Variants in CLCN3 observed in about 807,000 individuals in gnomAD.
The protein encoded by CLCN3 is Cl-/H+ antiporter 3, also known as H(+)/Cl(-) exchange transporter 3.
CLCN3 carries 16 observed loss-of-function variants against 83.4 expected under a neutral mutation model. That is an observed-to-expected ratio of 0.19 (90% confidence interval 0.13 to 0.29). CLCN3 has a LOEUF of 0.29. Among genes scored for constraint, CLCN3 ranks in the 10% least tolerant of loss-of-function variants. The pLI is 1.00. For missense variants in CLCN3, 544 were observed against 1,006.0 expected (o/e 0.54, Z 6.21); for synonymous variants, 322 against 346.2 (o/e 0.93, Z 0.78).
chr4:169,623,967 C>G (rs1240440698), intron 1 of CLCN3, among the ~76,000 whole-genome samples: 1 of 152,008 alleles, frequency 6.6e-6, no homozygotes, highest in Non-Finnish European at 1.5e-5. Context: ...AGATGAATCA[C>G]TGTATTGGAA....
At chr4:169,692,542 C>CT (rs1732411073) in intron 7 of CLCN3, among the ~76,000 whole-genome samples, 1 of 152,186 alleles carries the variant, frequency 6.6e-6, no homozygotes, top group Non-Finnish European at 1.5e-5. Context: ...AGATAGACAG[C>CT]TGGTGTCCAT....
In CLCN3 at chr4:169,720,104, A is replaced by G; in HGVS notation, c.*107A>G. Reference sequence around the variant, plus strand: ...TCTACTTTTTTTTCCTCCTTTACAAAAAAAGAAAGGAAATATAAAAGCCGG... The same window carrying G: ...TCTACTTTTTTTTCCTCCTTTACAAGAAAAGAAAGGAAATATAAAAGCCGG... On this transcript the variant is annotated 3_prime_UTR_variant, in exon 13 of 13. Coordinates refer to ENST00000513761, the MANE Select transcript of CLCN3 (RefSeq NM_001829.4). 1 of 1,519,914 alleles carries G rather than the reference A, an allele frequency of 6.6e-7. No homozygotes were observed. Among genetic ancestry groups the G allele is most frequent in the Non-Finnish European group, 8.9e-7 (1 of 1,128,994 alleles). The allele number at this position is 1,519,914 out of a possible 1,614,324, so 94.2% of individuals were successfully genotyped here. A position where few individuals can be genotyped will look rare whatever the true frequency, so the allele number is the denominator to read the frequency against.
intron 2 of CLCN3, among the ~76,000 whole-genome samples, chr4:169,658,434 A>G (rs17627829): frequency 0.12 from 17,658 of 152,090 alleles, 1,128 homozygotes; most frequent in East Asian, 0.17. Flanking sequence ...GTGCCTACAA[A>G]TACCGGGAAA....
intron 3 of CLCN3, among the ~76,000 whole-genome samples, chr4:169,687,160 A>G (rs976426964): frequency 1.3e-5 from 2 of 152,232 alleles, no homozygotes; most frequent in Non-Finnish European, 2.9e-5. Context: ...TGTCTTACAG[A>G]AGACATATAT....
rs553604506 is a variant in CLCN3 at position 169,699,950 on chromosome 4, A to G, written c.1563+2216A>G. On this transcript the variant is annotated intron_variant, in intron 9 of 12. Transcript: ENST00000513761. ...CCTAAACATTTTACCTTTTTTTCTT[A>G]GGGAATCAAGTTAAAAGAGCTGTTA... Among the ~76,000 whole-genome samples the G allele has an allele frequency of 2.0e-5, 3 of 152,164 alleles. No individual in the cohort carries two copies. The South Asian group carries it at 6.2e-4, about 32-fold the overall frequency.
intron 12 of CLCN3, among the ~76,000 whole-genome samples, chr4:169,719,108 G>C (rs985276656): frequency 6.6e-6 from 1 of 152,188 alleles, no homozygotes; most frequent in Non-Finnish European, 1.5e-5. Flanking sequence ...GTGCTTTCAT[G>C]AAGATTCTGA....
chr4:169,695,715 T>G, intron 8 of CLCN3, 23 bp downstream of exon 8: 1 of 1,471,342 alleles, frequency 6.8e-7, no homozygotes, highest in Non-Finnish European at 9.5e-7. Flanking sequence ...AATACAACAA[T>G]TAAAATTATA....
At chr4:169,678,962 G>A (rs1379844052) in intron 2 of CLCN3, among the ~76,000 whole-genome samples, 1 of 150,824 alleles carries the variant, frequency 6.6e-6, no homozygotes, top group Non-Finnish European at 1.5e-5. Context: ...CAGGCAGAGG[G>A]GCTCCTCACT....
intron 2 of CLCN3, among the ~76,000 whole-genome samples, chr4:169,652,878 T>C (rs1030420352): frequency 3.9e-5 from 6 of 152,238 alleles, no homozygotes; most frequent in Non-Finnish European, 7.3e-5. Context: ...TTTTCATGTC[T>C]ATTTGGAAAT....
intron 2 of CLCN3, among the ~76,000 whole-genome samples, chr4:169,640,915 G>A (rs911488625): frequency 6.6e-6 from 1 of 152,176 alleles, no homozygotes; most frequent in African/African-American, 2.4e-5. Context: ...GATTATGCTA[G>A]TAAGTTTAAA....
chr4:169,714,901 T>C (rs1733368303), intron 12 of CLCN3, among the ~76,000 whole-genome samples: 1 of 152,126 alleles, frequency 6.6e-6, no homozygotes, highest in South Asian at 2.1e-4. Flanking sequence ...TATTGTTTGA[T>C]TAAATGATGG....
At chr4:169,630,625 G>T (rs1773345284) in intron 1 of CLCN3, among the ~76,000 whole-genome samples, 1 of 152,064 alleles carries the variant, frequency 6.6e-6, no homozygotes, top group Admixed American at 6.6e-5. Context: ...CTGCCTTCTA[G>T]GTTCAAGCAA....
At position 169,703,978 on chromosome 4, in the gene CLCN3, G is replaced by C. The variant is rs916825092; in HGVS notation, c.1564-20G>C. 1.9e-6 allele frequency: 3 copies of C among 1,611,770 alleles called. No homozygotes were observed. The African/African-American group carries it at 4.0e-5, about 21-fold the overall frequency. On this transcript the variant is annotated intron_variant, in intron 9 of 12. Coordinates refer to ENST00000513761, the MANE Select transcript of CLCN3 (RefSeq NM_001829.4). ...GAGTAGAGGATCTCTGCTCCATAAAGAGTTCTGTTGTTGTTATAGGTTCCA... is the reference window on the plus strand; with the variant it reads ...GAGTAGAGGATCTCTGCTCCATAAACAGTTCTGTTGTTGTTATAGGTTCCA...
intron 11 of CLCN3, among the ~76,000 whole-genome samples, chr4:169,708,713 G>GT (rs1194491592): frequency 1.3e-5 from 2 of 152,102 alleles, no homozygotes; most frequent in Non-Finnish European, 2.9e-5. Context: ...GTGTGGATGT[G>GT]TTTTTTAAAG....
intron 1 of CLCN3, among the ~76,000 whole-genome samples, chr4:169,633,588 G>C (rs921272067): frequency 6.6e-6 from 1 of 152,096 alleles, no homozygotes; most frequent in Admixed American, 6.6e-5. Context: ...ATAGAAATTT[G>C]AATATTTTAT....
At chr4:169,638,933 C>A (rs905449438) in intron 2 of CLCN3, among the ~76,000 whole-genome samples, 3 of 152,158 alleles carry the variant, frequency 2.0e-5, no homozygotes, top group African/African-American at 7.2e-5. Flanking sequence ...AATTATGATT[C>A]CTTCTCTGAA....
chr4:169,709,700 A>G (rs1471622113), intron 11 of CLCN3, among the ~76,000 whole-genome samples: 2 of 151,934 alleles, frequency 1.3e-5, no homozygotes, highest in African/African-American at 4.8e-5. Context: ...AGCCTGAATT[A>G]TATCAGCAAA....
At chr4:169,635,810 T>C in intron 1 of CLCN3, 103 bp from the exon 2 acceptor site, 2 of 841,334 alleles carry the variant, frequency 2.4e-6, no homozygotes, top group South Asian at 6.2e-5. Flanking sequence ...ATACGCTTAA[T>C]TTTTTTTAGC....
intron 2 of CLCN3, among the ~76,000 whole-genome samples, chr4:169,650,153 G>C (rs192957770): frequency 6.6e-6 from 1 of 152,202 alleles, no homozygotes; most frequent in East Asian, 1.9e-4. Context: ...TAAAACAGTT[G>C]AGTTGGTTCT....
Sources: allele counts gnomAD v4.1 joint callset (sites outside exome capture counted in the v4.1 genomes callset), GRCh38; gene constraint gnomAD v4.1.1; transcripts MANE v1.5; gene names NCBI Gene and HGNC (gene_info 2026-07-23, HGNC 2026-07-21).